SARM1: variants seen among roughly 807,000 people sequenced by gnomAD.
SARM1 encodes NAD(+) hydrolase SARM1.
A neutral mutation model predicts 65.1 loss-of-function variants in SARM1; 60 were observed. The ratio of observed to expected loss-of-function variants is 0.92; its 90% confidence interval spans 0.75 to 1.14. SARM1 has a LOEUF of 1.14. Among genes scored for constraint, SARM1 ranks in the 50% most tolerant of loss-of-function variants. The pLI, the probability that SARM1 is intolerant of heterozygous loss-of-function variation, is 0.00. For synonymous variants in SARM1, 417 were observed against 465.4 expected, an observed-to-expected ratio of 0.90 and a Z score of 1.34; for missense variants, 913 against 1,015.7, an observed-to-expected ratio of 0.90 and a Z score of 1.37.
chr17:28,392,879 G>T (rs1259375085), intron 7 of SARM1, among the ~76,000 whole-genome samples: 5 of 152,156 alleles, frequency 3.3e-5, no homozygotes, highest in African/African-American at 1.2e-4. Flanking sequence ...TCCCTCTTTG[G>T]TTGTTTCTGG....
rs2068023683 is a variant in SARM1, at chr17:28,381,473, G to A, written c.741G>A (p.Glu247=). The A allele has an allele frequency of 1.9e-6, 3 of 1,552,780 alleles. No individual in the cohort carries two copies. The highest frequency in any genetic ancestry group is 8.7e-7 in the Non-Finnish European group (1 of 1,148,556). Residue 247 remains glutamate (E), a synonymous_variant, in exon 2 of 9, where the codon GAG becomes GAA. Transcript: ENST00000585482. ...AGGCGGTGCAGCGACGCATGGTAGA[G>A]AAGCGCGCAGCCGAGTGGCTCTTCC... is the stretch of plus-strand genomic sequence containing the variant. ...GGQAVQRRMV[E]KRAAEWLFPL...
chr17:28,388,896 G>A (rs544708067), intron 7 of SARM1, among the ~76,000 whole-genome samples: 1 of 150,960 alleles, frequency 6.6e-6, no homozygotes, highest in Admixed American at 6.6e-5. Flanking sequence ...TCAGCCTCCC[G>A]AGTAGCTGGG....
At chr17:28,386,364 C>T (rs181163036) in intron 5 of SARM1, among the ~76,000 whole-genome samples, 2 of 151,714 alleles carry the variant, frequency 1.3e-5, no homozygotes, top group African/African-American at 4.8e-5. Context: ...TGTGTGACCC[C>T]CCACCCCCAC....
At position 28,390,030 on chromosome 17, in the gene SARM1, G is replaced by A. The variant is rs11656835; in HGVS notation, c.1923+1491G>A. On this transcript the variant is annotated intron_variant, in intron 7 of 8. Transcript: ENST00000585482. ...ATGGCCTGTGACACAGCCCTCAGGA[G>A]ACCCTGAGAACACGTGCCCAAGGTG... Among the ~76,000 whole-genome samples the A allele has an allele frequency of 7.0e-3, 1,073 of 152,292 alleles. 8 individuals are homozygous for A. The highest frequency in any genetic ancestry group is 0.011 in the Non-Finnish European group (759 of 68,010).
At chr17:28,378,066 A>G (rs1279719644) in intron 1 of SARM1, among the ~76,000 whole-genome samples, 1 of 151,830 alleles carries the variant, frequency 6.6e-6, no homozygotes, top group Non-Finnish European at 1.5e-5. Flanking sequence ...GGATGTGGCA[A>G]CTCTCCCACC....
chr17:28,390,654 C>T (rs868990039), intron 7 of SARM1, among the ~76,000 whole-genome samples: 15 of 151,764 alleles, frequency 9.9e-5, no homozygotes, highest in Middle Eastern at 3.4e-3. Context: ...TCCCTAGGCT[C>T]CTTAGGTAGG....
chr17:28,381,067 G>A (rs990714044), intron 1 of SARM1, 136 bp from the exon 2 acceptor site: 4 of 1,030,230 alleles, frequency 3.9e-6, no homozygotes, highest in Admixed American at 6.5e-5. Context: ...TGAGGGTGGG[G>A]AGCAGGGAGG....
chr17:28,381,181 C>G lies in SARM1; in HGVS notation c.471-22C>G, dbSNP rs782660165. ...CCCAAGCTGCGGCAATTCCACTGTC[C>G]CCTTCCACTTTCACTGGGCAGAGAC... On this transcript the variant is annotated intron_variant, in intron 1 of 8. Coordinates refer to ENST00000585482, the MANE Select transcript of SARM1 (RefSeq NM_015077.4). The G allele has an allele frequency of 3.5e-5, 55 of 1,569,490 alleles. No individual in the cohort carries two copies. In the South Asian group the frequency reaches 4.2e-4, roughly 12 times the overall value.
At chr17:28,388,107 A>G (rs1269292746) in intron 5 of SARM1, 67 bp from the exon 6 acceptor site, 1 of 1,203,458 alleles carries the variant, frequency 8.3e-7, no homozygotes, top group African/African-American at 1.5e-5. Context: ...TCCACAAGGG[A>G]TGATATACCT....
In SARM1 at chr17:28,403,661, T is replaced by C. The variant is rs1198707721; in HGVS notation, c.*7375T>C. 1 of 152,158 alleles carries C rather than the reference T, an allele frequency of 6.6e-6. No homozygotes were observed. The highest frequency in any genetic ancestry group is 2.4e-5 in the African/African-American group (1 of 41,420). 9.4% of individuals were successfully genotyped at this position (152,158 alleles called of 1,614,324 possible). A position where few individuals can be genotyped will look rare whatever the true frequency, so the allele number is the denominator to read the frequency against. ...GTTAAGAAATCTGTGATTATTGTAT[T>C]GTTGACTATACACAGCACATTTTAG... On this transcript the variant is annotated 3_prime_UTR_variant, in exon 9 of 9. Transcript: ENST00000585482.
rs1555584210 is a variant in SARM1, at chr17:28,372,442, A to G, written c.410A>G (p.Glu137Gly). The change falls in exon 1 of 9, where the codon GAG (glutamate) becomes GGG (glycine). Residue 137 changes from glutamate to glycine, a missense_variant. Coordinates refer to ENST00000585482, the MANE Select transcript of SARM1 (RefSeq NM_015077.4). The surrounding 1 kb of genome is among the most constrained non-coding windows in gnomAD (Gnocchi z 5.2). ...CTGTTGCGGCTGCTGCAGGCGCCGGAGTTGGAGACGCGTGTGCAGGCCGCG... is the reference window on the plus strand; with the variant it reads ...CTGTTGCGGCTGCTGCAGGCGCCGGGGTTGGAGACGCGTGTGCAGGCCGCG... ...DLLLRLLQAP[E>G]LETRVQAARL... 6.5e-7 allele frequency: 1 copy of G among 1,530,098 alleles called. No homozygotes were observed. The highest frequency in any genetic ancestry group is 2.0e-5 in the Admixed American group (1 of 50,796). The allele number at this position is 1,530,098 out of a possible 1,614,324, so 94.8% of individuals were successfully genotyped here. A position where few individuals can be genotyped will look rare whatever the true frequency, so the allele number is the denominator to read the frequency against.
intron 1 of SARM1, among the ~76,000 whole-genome samples, chr17:28,377,766 C>T (rs1489291673): frequency 6.6e-6 from 1 of 152,090 alleles, no homozygotes; most frequent in Non-Finnish European, 1.5e-5. Flanking sequence ...GGTATAACCT[C>T]GGCTCACTGC....
At chr17:28,388,086 T>G (rs782692650) in intron 5 of SARM1, 88 bp from the exon 6 acceptor site, 224 of 1,056,182 alleles carry the variant, frequency 2.1e-4, no homozygotes, top group Non-Finnish European at 3.0e-4. Context: ...CTTGGTGGAC[T>G]GGGGACTAAG....
At position 28,381,697 on chromosome 17, in the gene SARM1, G is replaced by T. The variant is rs782422254; in HGVS notation, c.965G>T (p.Arg322Leu). Reference sequence around the variant, plus strand: ...GACGCCAGCGACACAAGCCAGGGCCGCGGGCCCGACGACCTGCAGCGCCTC... The same window carrying T: ...GACGCCAGCGACACAAGCCAGGGCCTCGGGCCCGACGACCTGCAGCGCCTC... ...LVDASDTSQG[R>L]GPDDLQRLVP... Residue 322 changes from arginine to leucine, a missense_variant, in exon 2 of 9, where the codon CGC becomes CTC. Coordinates refer to ENST00000585482, the MANE Select transcript of SARM1 (RefSeq NM_015077.4). 1 of 1,560,416 alleles carries T rather than the reference G, an allele frequency of 6.4e-7. No individual in the cohort carries two copies. Among genetic ancestry groups the T allele is most frequent in the South Asian group, 1.2e-5 (1 of 84,694 alleles).
intron 2 of SARM1, among the ~76,000 whole-genome samples, chr17:28,382,837 C>T (rs1409833876): frequency 0.017 from 1 of 60 alleles, no homozygotes; most frequent in Non-Finnish European, 0.028. Context: ...CAAGCACGCA[C>T]CACAATCCCC....
At chr17:28,376,707 C>A (rs1287702519) in intron 1 of SARM1, among the ~76,000 whole-genome samples, 1 of 151,388 alleles carries the variant, frequency 6.6e-6, no homozygotes. Context: ...TGGACTCAAG[C>A]AATCCTACTG....
In SARM1 at chr17:28,402,070, C is replaced by T. The variant is rs2068202374; in HGVS notation, c.*5784C>T. On this transcript the variant is annotated 3_prime_UTR_variant, in exon 9 of 9. Transcript: ENST00000585482. Reference sequence around the variant, plus strand: ...TTTGAAAATCCAAGGTGGCATGATCCTCTGCCCATTGTGGGCAATTTCACA... The same window carrying T: ...TTTGAAAATCCAAGGTGGCATGATCTTCTGCCCATTGTGGGCAATTTCACA... 1 of 581,366 alleles carries T rather than the reference C, an allele frequency of 1.7e-6. No individual in the cohort carries two copies. The highest frequency in any genetic ancestry group is 3.0e-5 in the Admixed American group (1 of 33,322). 36.0% of individuals were successfully genotyped at this position (581,366 alleles called of 1,614,324 possible).
Position 28,375,971 on chromosome 17 carries a change from A to C in SARM1, c.470+3469A>C. On this transcript the variant is annotated intron_variant, in intron 1 of 8. Transcript: ENST00000585482. The stretch of plus-strand genomic sequence containing the variant: ...TATTATATAGACATGTTTGCAATAT[A>C]TATACAATCTTCCCCTCCTTTGGAG... Among the ~76,000 whole-genome samples, 3 of 152,314 alleles carry C rather than the reference A, an allele frequency of 2.0e-5. No homozygotes were observed. In the South Asian group the frequency reaches 6.2e-4, roughly 32 times the overall value.
At position 28,385,495 on chromosome 17, in the gene SARM1, A is replaced by G. The variant is rs2068046485; in HGVS notation, c.1630+220A>G. 3 of 567,034 alleles carry G rather than the reference A, an allele frequency of 5.3e-6. No individual in the cohort carries two copies. Among genetic ancestry groups the G allele is most frequent in the South Asian group, 2.2e-5 (1 of 44,452 alleles). The allele number at this position is 567,034 out of a possible 1,614,324, so 35.1% of individuals were successfully genotyped here. On this transcript the variant is annotated intron_variant, in intron 5 of 8. Coordinates refer to ENST00000585482, the MANE Select transcript of SARM1 (RefSeq NM_015077.4). The surrounding 1 kb of genome is among the most constrained non-coding windows in gnomAD (Gnocchi z 4.5). ...GGTAGGCGGTGGGAGGAAGGAGGCT[A>G]TTAAACAGGCAAGCGGCCCCGGCAG...
Sources: allele counts gnomAD v4.1 joint callset (sites outside exome capture counted in the v4.1 genomes callset), GRCh38; gene constraint gnomAD v4.1.1; non-coding constraint Gnocchi (gnomAD v3.1); transcripts MANE v1.5; gene names NCBI Gene and HGNC (gene_info 2026-07-23, HGNC 2026-07-21).